BAZ1B: variants seen among roughly 807,000 people sequenced by gnomAD.
BAZ1B encodes bromodomain adjacent to zinc finger domain 1B, also known as tyrosine-protein kinase BAZ1B.
A neutral mutation model predicts 153.8 loss-of-function variants in BAZ1B; 22 were observed. The observed-to-expected ratio is 0.14, with a 90% confidence interval of 0.10 to 0.20. The LOEUF (loss-of-function observed/expected upper bound fraction) is 0.20, where lower values mean the gene tolerates loss of function less well. Among genes scored for constraint, BAZ1B ranks in the 10% least tolerant of loss-of-function variants. BAZ1B has a pLI of 1.00. For synonymous variants in BAZ1B, 676 were observed against 633.4 expected, an observed-to-expected ratio of 1.07 and a Z score of -1.01; for missense variants, 1,325 against 1,799.3, an observed-to-expected ratio of 0.74 and a Z score of 4.77.
In BAZ1B at chr7:73,508,597, A is replaced by T. The variant is rs1790441818; in HGVS notation, c.225-126T>A. On this transcript the variant is annotated intron_variant, in intron 2 of 19. Coordinates refer to ENST00000339594, the MANE Select transcript of BAZ1B (RefSeq NM_032408.4). ...TCAAACATTTATCGCTCTGTCACCA[A>T]GGCTGGAGTGCAGTGGCACAATCAT... 4.4e-6 allele frequency: 5 copies of T among 1,131,232 alleles called. No individual in the cohort carries two copies. The South Asian group carries it at 8.3e-5, about 19-fold the overall frequency. The allele number at this position is 1,131,232 out of a possible 1,614,324, so 70.1% of individuals were successfully genotyped here.
intron 4 of BAZ1B, among the ~76,000 whole-genome samples, chr7:73,493,547 G>A (rs1789740200): frequency 6.6e-6 from 1 of 150,816 alleles, no homozygotes; most frequent in Non-Finnish European, 1.5e-5. Flanking sequence ...AGATGAGTAA[G>A]AATATGACTT....
At chr7:73,499,293 G>T (rs1583939672) in intron 3 of BAZ1B, among the ~76,000 whole-genome samples, 1 of 152,166 alleles carries the variant, frequency 6.6e-6, no homozygotes, top group Non-Finnish European at 1.5e-5. Flanking sequence ...CTCCCAAAGG[G>T]CTGGGATTAC....
chr7:73,473,109 T>C (rs1212118908), intron 7 of BAZ1B, among the ~76,000 whole-genome samples: 2 of 152,082 alleles, frequency 1.3e-5, no homozygotes, highest in African/African-American at 2.4e-5. Context: ...GCCAGGCTAA[T>C]TTTTGTATTT....
At chr7:73,509,256 A>C (rs564144848) in intron 2 of BAZ1B, among the ~76,000 whole-genome samples, 1 of 152,240 alleles carries the variant, frequency 6.6e-6, no homozygotes, top group Non-Finnish European at 1.5e-5. Context: ...CGGGAAGCGA[A>C]GGTTGCAGTG....
At chr7:73,495,288 T>TAAAG (rs1563392641) in intron 4 of BAZ1B, among the ~76,000 whole-genome samples, 1 of 151,796 alleles carries the variant, frequency 6.6e-6, no homozygotes, top group African/African-American at 2.4e-5. Flanking sequence ...GTCTCAAAAA[T>TAAAG]AAATAAATAA....
At chr7:73,483,231 C>A (rs1361667835) in intron 6 of BAZ1B, among the ~76,000 whole-genome samples, 10 of 152,176 alleles carry the variant, frequency 6.6e-5, no homozygotes, top group African/African-American at 1.9e-4. Context: ...CCACAAATAT[C>A]TGTCTGCAAC....
intron 5 of BAZ1B, among the ~76,000 whole-genome samples, chr7:73,490,691 C>T (rs1338752580): frequency 6.6e-6 from 1 of 151,772 alleles, no homozygotes; most frequent in East Asian, 2.0e-4. Context: ...CTGCAACCTC[C>T]GCCTCCCTGG....
chr7:73,475,416 T>C (rs1475083944), intron 7 of BAZ1B, among the ~76,000 whole-genome samples: 25 of 152,102 alleles, frequency 1.6e-4, no homozygotes, highest in Non-Finnish European at 8.8e-5. Flanking sequence ...TACTAACACA[T>C]GCTACAACAT....
rs1279394022 is a variant in BAZ1B, at chr7:73,450,643, T to C, written c.3580+204A>G. Among the ~76,000 whole-genome samples, 10 of 152,170 alleles carry C rather than the reference T, an allele frequency of 6.6e-5. No homozygotes were observed. Among genetic ancestry groups the C allele is most frequent in the Non-Finnish European group, 1.5e-4 (10 of 68,034 alleles). On this transcript the variant is annotated intron_variant, in intron 14 of 19. Coordinates refer to ENST00000339594, the MANE Select transcript of BAZ1B (RefSeq NM_032408.4). The surrounding 1 kb of genome is among the most constrained non-coding windows in gnomAD (Gnocchi z 4.1). ...GAGATCAATTGCTTTTATGTTATGC[T>C]CTAAACCGAGGAACAAAGGGCCTGC...
At chr7:73,454,324 AAG>A (rs1554569103) in intron 13 of BAZ1B, among the ~76,000 whole-genome samples, 7 of 152,164 alleles carry the variant, frequency 4.6e-5, no homozygotes, top group Non-Finnish European at 7.4e-5. Context: ...TTAAAAATAA[AAG>A]AAACACAGGA....
chr7:73,446,102 G>A (rs571796450), intron 16 of BAZ1B, among the ~76,000 whole-genome samples: 5 of 152,256 alleles, frequency 3.3e-5, no homozygotes, highest in South Asian at 2.1e-4. Flanking sequence ...AGGAGAAGAC[G>A]GGCAAGCCCA....
At chr7:73,473,393 A>C (rs1788885917) in intron 7 of BAZ1B, among the ~76,000 whole-genome samples, 1 of 152,152 alleles carries the variant, frequency 6.6e-6, no homozygotes, top group Non-Finnish European at 1.5e-5. Flanking sequence ...TCTCTACTAA[A>C]AATACAAAAA....
At chr7:73,492,951 A>C in intron 4 of BAZ1B, 30 bp from the exon 5 acceptor site, 1 of 1,568,370 alleles carries the variant, frequency 6.4e-7, no homozygotes, top group South Asian at 1.2e-5. Flanking sequence ...TTAGTGAAAA[A>C]CGTAATTATT....
intron 9 of BAZ1B, among the ~76,000 whole-genome samples, chr7:73,468,077 A>G (rs1788662179): frequency 6.6e-6 from 1 of 152,254 alleles, no homozygotes; most frequent in African/African-American, 2.4e-5. Flanking sequence ...TCTAAAATGA[A>G]TTACTTTTTA....
At chr7:73,463,277 C>G (rs891605887) in intron 11 of BAZ1B, among the ~76,000 whole-genome samples, 178 bp from the exon 12 acceptor site, 2 of 135,536 alleles carry the variant, frequency 1.5e-5, no homozygotes, top group South Asian at 2.3e-4. Flanking sequence ...CAGGGTCTTG[C>G]TCTGTCACAC....
intron 4 of BAZ1B, among the ~76,000 whole-genome samples, chr7:73,497,430 A>G (rs1789959289): frequency 6.6e-6 from 1 of 152,132 alleles, no homozygotes; most frequent in Admixed American, 6.6e-5. Flanking sequence ...ATTTTTCTTG[A>G]CTGAGAATGG....
Position 73,489,404 on chromosome 7 carries a change from G to A in BAZ1B, c.694-13C>T, listed in dbSNP as rs1435191513. On this transcript the variant is annotated splice_polypyrimidine_tract_variant and intron_variant, in intron 5 of 19. Transcript: ENST00000339594. Reference sequence around the variant, plus strand: ...CGTTACTGATGATCTAGGTTAAAAAGAAACAAATAACTCACCACTGGGGTA... The same window carrying A: ...CGTTACTGATGATCTAGGTTAAAAAAAAACAAATAACTCACCACTGGGGTA... The A allele has an allele frequency of 2.5e-6, 4 of 1,613,806 alleles. No homozygotes were observed. The highest frequency in any genetic ancestry group is 3.3e-5 in the Admixed American group (2 of 59,992).
intron 5 of BAZ1B, among the ~76,000 whole-genome samples, chr7:73,492,379 G>C (rs2116389871): frequency 6.6e-6 from 1 of 152,002 alleles, no homozygotes; most frequent in South Asian, 2.1e-4. Flanking sequence ...AGCCGGGATG[G>C]TCTCGATCTC....
chr7:73,441,897 G>C (rs1219409633), intron 19 of BAZ1B: 5 of 426,524 alleles, frequency 1.2e-5, no homozygotes, highest in Admixed American at 8.0e-5. Flanking sequence ...AGGCCCTTAG[G>C]AAAGAAGGCA....
Sources: allele counts gnomAD v4.1 joint callset (sites outside exome capture counted in the v4.1 genomes callset), GRCh38; gene constraint gnomAD v4.1.1; non-coding constraint Gnocchi (gnomAD v3.1); transcripts MANE v1.5; gene names NCBI Gene and HGNC (gene_info 2026-07-23, HGNC 2026-07-21).